The following PTPRD variants were observed in gnomAD, a reference collection of about 807,000 sequenced individuals.
PTPRD encodes the protein receptor-type tyrosine-protein phosphatase delta.
Under a neutral mutation model 214.5 loss-of-function variants are expected in PTPRD, and 34 were observed. The observed-to-expected ratio is 0.16, with a 90% CI of 0.12 to 0.21. The LOEUF (loss-of-function observed/expected upper bound fraction) is 0.21. Among genes scored for constraint, PTPRD ranks in the 10% least tolerant of loss-of-function variants. PTPRD has a pLI of 1.00. For missense variants in PTPRD, 2,545 were observed against 2,398.7 expected, an observed-to-expected ratio of 1.06 and a Z score of -1.27; for synonymous variants, 1,128 against 845.7, an observed-to-expected ratio of 1.33 and a Z score of -5.79.
intron 4 of PTPRD, among the ~76,000 whole-genome samples, chr9:10,015,222 T>C (rs2096679478): frequency 1.3e-5 from 2 of 152,224 alleles, no homozygotes; most frequent in South Asian, 4.1e-4. Flanking sequence ...GTTACCAGCT[T>C]TTTCATTGGT....
At chr9:8,939,962 T>C (rs192106598) in intron 11 of PTPRD, among the ~76,000 whole-genome samples, 90 of 152,134 alleles carry the variant, frequency 5.9e-4, no homozygotes, top group Admixed American at 1.6e-3. Context: ...TTAAACTCAG[T>C]TAATCTTTTT....
At chr9:9,168,356 T>C (rs1305557507) in intron 10 of PTPRD, among the ~76,000 whole-genome samples, 3 of 152,184 alleles carry the variant, frequency 2.0e-5, no homozygotes, top group Non-Finnish European at 4.4e-5. Flanking sequence ...TTATCTTGCC[T>C]TTTTAACCTT....
intron 3 of PTPRD, among the ~76,000 whole-genome samples, chr9:10,302,944 T>C (rs2095912095): frequency 6.6e-6 from 1 of 152,116 alleles, no homozygotes; most frequent in Non-Finnish European, 1.5e-5. Flanking sequence ...CCACCCCAAA[T>C]CAACAGAATA....
intron 3 of PTPRD, among the ~76,000 whole-genome samples, chr9:10,167,647 T>C (rs148771545): frequency 1.6e-3 from 244 of 152,322 alleles, no homozygotes; most frequent in African/African-American, 5.4e-3. Context: ...AAGTTTTCTG[T>C]TTAATACTTA....
chr9:10,132,590 A>C (rs766882782), intron 3 of PTPRD, among the ~76,000 whole-genome samples: 11 of 152,180 alleles, frequency 7.2e-5, no homozygotes, highest in Non-Finnish European at 1.5e-4. Context: ...TTATTGACTT[A>C]GCATGTCCAC....
chr9:9,189,357 T>G lies in PTPRD; in HGVS notation c.-202-5994A>C, dbSNP rs142228301. ...TGATGGGGCTAACGTAGTAGTTAAC[T>G]GCAGATATAGAAGAATCTAGGCCTT... On this transcript the variant is annotated intron_variant, in intron 9 of 45. Coordinates refer to ENST00000381196, the MANE Select transcript of PTPRD (RefSeq NM_002839.4). Among the ~76,000 whole-genome samples the G allele has an allele frequency of 3.5e-4, 54 of 152,224 alleles. No individual in the cohort carries two copies. The East Asian group carries it at 9.5e-3, about 27-fold the overall frequency.
At chr9:9,610,491 C>T (rs1163417592) in intron 7 of PTPRD, among the ~76,000 whole-genome samples, 1 of 152,164 alleles carries the variant, frequency 6.6e-6, no homozygotes, top group African/African-American at 2.4e-5. Flanking sequence ...CATATTTACA[C>T]ATTAATTGCA....
intron 5 of PTPRD, among the ~76,000 whole-genome samples, chr9:9,922,248 G>C (rs73402642): frequency 0.036 from 5,535 of 152,036 alleles, 324 homozygotes; most frequent in African/African-American, 0.13. Flanking sequence ...CTCTACAGTG[G>C]GCAATTACCT....
intron 10 of PTPRD, among the ~76,000 whole-genome samples, chr9:9,048,647 C>T (rs768708766): frequency 3.3e-5 from 5 of 151,802 alleles, no homozygotes; most frequent in East Asian, 3.9e-4. Context: ...GAATGGTTAC[C>T]GGGGGCTAGG....
intron 5 of PTPRD, among the ~76,000 whole-genome samples, chr9:9,933,336 T>A (rs1459737970): frequency 6.6e-6 from 1 of 151,920 alleles, no homozygotes; most frequent in Admixed American, 6.5e-5. Context: ...GAAACCCATC[T>A]CACATGCAGA....
chr9:10,480,007 C>T (rs1319986089), intron 2 of PTPRD, among the ~76,000 whole-genome samples: 1 of 152,076 alleles, frequency 6.6e-6, no homozygotes, highest in African/African-American at 2.4e-5. Flanking sequence ...TGGAGGCAAG[C>T]TTTATCAGGA....
At chr9:8,354,536 C>T (rs898806459) in intron 39 of PTPRD, among the ~76,000 whole-genome samples, 3 of 152,306 alleles carry the variant, frequency 2.0e-5, no homozygotes, top group East Asian at 1.9e-4. Flanking sequence ...CTGTACTAAT[C>T]ATTGAACCTC....
intron 9 of PTPRD, among the ~76,000 whole-genome samples, chr9:9,365,195 T>A (rs574423982): frequency 1.3e-5 from 2 of 151,532 alleles, no homozygotes; most frequent in Non-Finnish European, 3.0e-5. Context: ...AATTGTTCTA[T>A]GTTACAGGGA....
At chr9:8,905,965 G>A (rs565354830) in intron 11 of PTPRD, among the ~76,000 whole-genome samples, 69 of 152,216 alleles carry the variant, frequency 4.5e-4, no homozygotes, top group African/African-American at 1.5e-3. Context: ...GAATGCCAAA[G>A]TTTAAGTTTT....
At chr9:9,759,715 G>A (rs1054971886) in intron 6 of PTPRD, among the ~76,000 whole-genome samples, 7 of 151,584 alleles carry the variant, frequency 4.6e-5, no homozygotes, top group East Asian at 1.9e-4. Flanking sequence ...CCACCAATAC[G>A]CCCAACTAAC....
intron 11 of PTPRD, among the ~76,000 whole-genome samples, chr9:8,787,428 C>A (rs1045622797): frequency 6.6e-6 from 1 of 152,100 alleles, no homozygotes; most frequent in South Asian, 2.1e-4. Context: ...TGCCCTTTAT[C>A]TTAAAATTTT....
rs374743494 is a variant in PTPRD, at chr9:9,723,661, A to AT, written c.-287+10871dup. Among the ~76,000 whole-genome samples, 251 of 152,056 alleles carry AT rather than the reference A, an allele frequency of 1.7e-3. 1 individual carries two copies. The highest frequency in any genetic ancestry group is 5.6e-3 in the African/African-American group (233 of 41,496). On this transcript the variant is annotated intron_variant, in intron 7 of 45. Coordinates refer to ENST00000381196, the MANE Select transcript of PTPRD (RefSeq NM_002839.4). ...GTTAAGTCTTCCAATCCATGAATAT[A>AT]TTTTTTCCATTCATGTAGATCTTTG... is the stretch of plus-strand genomic sequence containing the variant.
chr9:8,550,388 C>T (rs35300369), intron 14 of PTPRD, among the ~76,000 whole-genome samples: 20,137 of 152,138 alleles, frequency 0.13, 1,473 homozygotes, highest in Non-Finnish European at 0.17. Flanking sequence ...ATTACCACTA[C>T]TGCTGCCACT....
At chr9:8,397,115 T>G (rs769223990) in intron 36 of PTPRD, among the ~76,000 whole-genome samples, 16 of 152,066 alleles carry the variant, frequency 1.1e-4, no homozygotes, top group Non-Finnish European at 2.2e-4. Context: ...CAGGATTTAT[T>G]GTTTTTAAAT....
Sources: gnomAD v4.1 joint callset for allele counts (sites outside exome capture counted in the v4.1 genomes callset) on GRCh38, gnomAD v4.1.1 for gene constraint, MANE v1.5 for transcripts, NCBI Gene and HGNC (gene_info 2026-07-23, HGNC 2026-07-21) for gene names.